The following PPARGC1A variants were observed in gnomAD, a reference collection of about 807,000 sequenced individuals.
PPARGC1A encodes PPARG coactivator 1 alpha.
PPARGC1A carries 25 observed loss-of-function variants against 88.7 expected under a neutral mutation model. That is an observed-to-expected ratio of 0.28 (90% confidence interval 0.21 to 0.39). The LOEUF (loss-of-function observed/expected upper bound fraction) is 0.39. Among genes scored for constraint, PPARGC1A ranks in the 10% least tolerant of loss-of-function variants. The probability of loss-of-function intolerance (pLI) is 1.00; values close to 1 mark genes in which losing one functional copy is unlikely to be tolerated. For missense variants in PPARGC1A, 880 were observed against 968.7 expected (o/e 0.91, Z 1.22); for synonymous variants, 363 against 355.6 (o/e 1.02, Z -0.24).
At chr4:24,020,784 T>A in the PPARGC1A span, among the ~76,000 whole-genome samples, 2 of 152,148 alleles carry the variant, frequency 1.3e-5, no homozygotes, top group Non-Finnish European at 2.9e-5. Context: ...GAAGCCTCCA[T>A]GAGCACAGGG....
At chr4:24,208,682 AAT>A in the PPARGC1A span, among the ~76,000 whole-genome samples, 9 of 134,968 alleles carry the variant, frequency 6.7e-5, no homozygotes, top group African/African-American at 1.3e-4. Flanking sequence ...TCAGAAAAAA[AAT>A]ATATATATAT....
At chr4:24,459,809 C>T in the PPARGC1A span, among the ~76,000 whole-genome samples, 1 of 151,576 alleles carries the variant, frequency 6.6e-6, no homozygotes, top group East Asian at 1.9e-4. Context: ...CAAACAACAA[C>T]AAAAAAAACT....
chr4:24,338,517 C>T, the PPARGC1A span, among the ~76,000 whole-genome samples: 8 of 152,130 alleles, frequency 5.3e-5, no homozygotes, highest in South Asian at 2.1e-4. Flanking sequence ...ATTAAGCCTC[C>T]GTGCTTCATC....
At chr4:23,938,888 G>A in the PPARGC1A span, among the ~76,000 whole-genome samples, 2 of 151,976 alleles carry the variant, frequency 1.3e-5, no homozygotes, top group African/African-American at 2.4e-5. Flanking sequence ...GCCCAACAAA[G>A]GTTGGTCACT....
At chr4:24,149,987 G>A in the PPARGC1A span, among the ~76,000 whole-genome samples, 2 of 152,052 alleles carry the variant, frequency 1.3e-5, no homozygotes, top group African/African-American at 4.8e-5. Context: ...CCAATTTTTA[G>A]GACAAAAGAG....
chr4:24,167,907 C>G, the PPARGC1A span, among the ~76,000 whole-genome samples: 1 of 152,078 alleles, frequency 6.6e-6, no homozygotes, highest in African/African-American at 2.4e-5. Flanking sequence ...GCATGCACAA[C>G]CATGCCTGGC....
At chr4:24,368,366 T>G in the PPARGC1A span, among the ~76,000 whole-genome samples, 4 of 152,154 alleles carry the variant, frequency 2.6e-5, no homozygotes, top group Non-Finnish European at 4.4e-5. Context: ...TAACAGATAC[T>G]TTCAATAAGT....
the PPARGC1A span, among the ~76,000 whole-genome samples, chr4:24,400,016 C>G: frequency 1.1e-5 from 1 of 95,078 alleles, no homozygotes; most frequent in African/African-American, 3.4e-5. Context: ...AACTCCTGAT[C>G]TCAAGTGATC....
At chr4:23,820,409 A>C (rs2109550237) in intron 7 of PPARGC1A, 1 of 198,028 alleles carries the variant, frequency 5.0e-6, no homozygotes, top group African/African-American at 2.4e-5. Context: ...ATATACATAA[A>C]ATTTTGGGGT....
chr4:24,334,104 G>A, the PPARGC1A span, among the ~76,000 whole-genome samples: 1 of 151,934 alleles, frequency 6.6e-6, no homozygotes, highest in Non-Finnish European at 1.5e-5. Context: ...TAGGAGTTCT[G>A]GGGTAGTGTC....
At chr4:24,295,342 C>T in the PPARGC1A span, among the ~76,000 whole-genome samples, 1 of 151,856 alleles carries the variant, frequency 6.6e-6, no homozygotes, top group African/African-American at 2.4e-5. Context: ...CCAAATATAC[C>T]CTCTCTTTTT....
chr4:23,823,166 A>G (rs1459603371), intron 7 of PPARGC1A, among the ~76,000 whole-genome samples: 2 of 152,062 alleles, frequency 1.3e-5, no homozygotes, highest in African/African-American at 4.8e-5. Context: ...AAGTGTTATC[A>G]AATTAGTTGT....
chr4:23,857,562 T>A (rs1730424274), intron 2 of PPARGC1A, among the ~76,000 whole-genome samples: 1 of 151,768 alleles, frequency 6.6e-6, no homozygotes, highest in South Asian at 2.1e-4. Context: ...AAGAACCCCA[T>A]TCTTTTACTT....
At chr4:24,410,340 T>C in the PPARGC1A span, among the ~76,000 whole-genome samples, 2 of 152,252 alleles carry the variant, frequency 1.3e-5, no homozygotes, top group African/African-American at 2.4e-5. Flanking sequence ...TTCCTACATA[T>C]ACAAATATAT....
At chr4:24,226,509 T>C in the PPARGC1A span, among the ~76,000 whole-genome samples, 1 of 152,204 alleles carries the variant, frequency 6.6e-6, no homozygotes, top group East Asian at 1.9e-4. Flanking sequence ...TGCTCTTGCC[T>C]GCAGTTAGGT....
intron 2 of PPARGC1A, among the ~76,000 whole-genome samples, chr4:23,844,409 A>G (rs1175214616): frequency 7.9e-6 from 1 of 126,508 alleles, no homozygotes. Flanking sequence ...TTTATCATAT[A>G]ATAATATATA....
At chr4:24,042,721 T>C in the PPARGC1A span, among the ~76,000 whole-genome samples, 1 of 152,202 alleles carries the variant, frequency 6.6e-6, no homozygotes, top group Admixed American at 6.6e-5. Flanking sequence ...TTTTAAAATA[T>C]ATACACTTGT....
chr4:24,004,273 T>C, the PPARGC1A span, among the ~76,000 whole-genome samples: 1 of 152,130 alleles, frequency 6.6e-6, no homozygotes, highest in Admixed American at 6.6e-5. Flanking sequence ...GAGGAAACAA[T>C]ACTTTTAAAA....
the PPARGC1A span, among the ~76,000 whole-genome samples, chr4:24,314,135 A>G: frequency 6.6e-6 from 1 of 152,238 alleles, no homozygotes; most frequent in Non-Finnish European, 1.5e-5. Context: ...CACTAGTGAG[A>G]TATACAATAA....
Sources: gnomAD v4.1 joint callset for allele counts (sites outside exome capture counted in the v4.1 genomes callset) on GRCh38, gnomAD v4.1.1 for gene constraint, MANE v1.5 for transcripts, NCBI Gene and HGNC (gene_info 2026-07-23, HGNC 2026-07-21) for gene names.